The following KLHL10 variants were observed in gnomAD, a reference collection of about 807,000 sequenced individuals.
KLHL10 encodes the protein kelch like family member 10, also known as kelch-like protein 10.
A neutral mutation model predicts 46.6 loss-of-function variants in KLHL10; 11 were observed. The observed-to-expected ratio is 0.24, with a 90% CI of 0.15 to 0.39. The LOEUF (loss-of-function observed/expected upper bound fraction) is 0.39. Among genes scored for constraint, KLHL10 ranks in the 10% least tolerant of loss-of-function variants. The pLI is 1.00. For missense variants in KLHL10, 475 were observed against 789.8 expected, an observed-to-expected ratio of 0.60 and a Z score of 4.78; for synonymous variants, 254 against 279.1, an observed-to-expected ratio of 0.91 and a Z score of 0.90.
At chr17:41,843,079 T>C (rs1189915653) in intron 2 of KLHL10, among the ~76,000 whole-genome samples, 3 of 150,306 alleles carry the variant, frequency 2.0e-5, no homozygotes, top group African/African-American at 7.4e-5. Context: ...TGTGCTGTGA[T>C]CACCTCACTG....
At chr17:41,846,212 AAAAG>A (rs1567870347) in intron 3 of KLHL10, among the ~76,000 whole-genome samples, 1 of 150,962 alleles carries the variant, frequency 6.6e-6, no homozygotes, top group African/African-American at 2.4e-5. Context: ...ACTCCATCTC[AAAAG>A]AAAAAAGAAA....
At chr17:41,841,232 G>T (rs1245099832) in intron 1 of KLHL10, among the ~76,000 whole-genome samples, 1 of 152,148 alleles carries the variant, frequency 6.6e-6, no homozygotes, top group African/African-American at 2.4e-5. Flanking sequence ...GGGGAAACAG[G>T]CATTAAATGA....
At position 41,838,050 on chromosome 17, in the gene KLHL10, G is replaced by A. The variant is rs150254995; in HGVS notation, c.118G>A (p.Asp40Asn). Residue 40 changes from aspartate to asparagine, a missense_variant, in exon 1 of 5, where the codon GAC (aspartate) becomes AAC (asparagine). Physicochemically the swap from Asp to Asn is conservative, Grantham distance 23 (BLOSUM62 1). Coordinates refer to ENST00000293303, the MANE Select transcript of KLHL10 (RefSeq NM_152467.5). ...GCTTAGACTAGAGGGCAAGCTCTGC[G>A]ACGTGGTCATCAAGGTCAATGGCTT... ...NELRLEGKLC[D>N]VVIKVNGFEF... 2.5e-6 allele frequency: 4 copies of A among 1,614,072 alleles called. No individual in the cohort carries two copies. The highest frequency in any genetic ancestry group is 3.4e-6 in the Non-Finnish European group (4 of 1,180,028).
Position 41,848,378 on chromosome 17 carries a change from T to C in KLHL10, c.*71T>C. ...TCTTTTTTTAAAAAAATGCAGTGTT[T>C]AAACTTTGAAGAGTACTGGAAAATG... On this transcript the variant is annotated 3_prime_UTR_variant, in exon 5 of 5. Coordinates refer to ENST00000293303, the MANE Select transcript of KLHL10 (RefSeq NM_152467.5). 6.6e-7 allele frequency: 1 copy of C among 1,522,082 alleles called. No homozygotes were observed. The highest frequency in any genetic ancestry group is 8.9e-7 in the Non-Finnish European group (1 of 1,121,682). The allele number at this position is 1,522,082 out of a possible 1,614,324, so 94.3% of individuals were successfully genotyped here.
At chr17:41,845,998 T>C (rs1249013282) in intron 3 of KLHL10, among the ~76,000 whole-genome samples, 1 of 151,736 alleles carries the variant, frequency 6.6e-6, no homozygotes, top group Admixed American at 6.6e-5. Context: ...GATCACTAGG[T>C]CAGGAGTTCA....
chr17:41,843,297 A>C (rs1167731907), intron 2 of KLHL10, among the ~76,000 whole-genome samples: 2 of 151,932 alleles, frequency 1.3e-5, no homozygotes, highest in Non-Finnish European at 2.9e-5. Context: ...ACCTGAGGTC[A>C]GGAGTTCGAG....
At chr17:41,847,434 C>A in intron 4 of KLHL10, 24 bp downstream of exon 4, 1 of 1,612,900 alleles carries the variant, frequency 6.2e-7, no homozygotes, top group Non-Finnish European at 8.5e-7. Flanking sequence ...GTACCACACA[C>A]ACACAAAAAA....
intron 1 of KLHL10, 133 bp downstream of exon 1, chr17:41,838,259 TA>T (rs1299228311): frequency 9.5e-5 from 76 of 802,242 alleles, no homozygotes; most frequent in African/African-American, 1.9e-4. Flanking sequence ...CCTTAAAAAT[TA>T]AAAAAAAATT....
chr17:41,844,318 C>G (rs2048259063), intron 2 of KLHL10, among the ~76,000 whole-genome samples: 1 of 151,576 alleles, frequency 6.6e-6, no homozygotes, highest in Non-Finnish European at 1.5e-5. Context: ...GCAACCTCCA[C>G]CTCCCCAGTT....
At position 41,845,385 on chromosome 17, in the gene KLHL10, CAG is replaced by C; in HGVS notation, c.946_947del (p.Asp316GlnfsTer8). ...GCCATTGAGGCATATGACGCTCGGG[CAG>C]ACAGATGGGTGAATGTTACTTGTGA... is the stretch of plus-strand genomic sequence containing the variant. On this transcript the variant is annotated frameshift_variant, in exon 3 of 5. Coordinates refer to ENST00000293303, the MANE Select transcript of KLHL10 (RefSeq NM_152467.5). LOFTEE classifies it high-confidence loss of function. 6.2e-7 allele frequency: 1 copy of C among 1,614,196 alleles called. No homozygotes were observed. The highest frequency in any genetic ancestry group is 1.6e-4 in the Middle Eastern group (1 of 6,062).
At chr17:41,840,818 A>T (rs1383545387) in intron 1 of KLHL10, among the ~76,000 whole-genome samples, 8 of 151,416 alleles carry the variant, frequency 5.3e-5, no homozygotes, top group South Asian at 4.2e-4. Flanking sequence ...TAAACTTCTT[A>T]AAAAAAGGAA....
At chr17:41,847,161 T>C (rs1414656953) in intron 3 of KLHL10, 100 bp from the exon 4 acceptor site, 3 of 1,018,024 alleles carry the variant, frequency 2.9e-6, no homozygotes, top group Admixed American at 1.7e-5. Context: ...AAATTCAGAC[T>C]GTACAGACTG....
chr17:41,840,927 C>T (rs1007777744), intron 1 of KLHL10, among the ~76,000 whole-genome samples: 7 of 151,994 alleles, frequency 4.6e-5, no homozygotes, highest in Admixed American at 2.6e-4. Context: ...ACAAGCCTGA[C>T]CAATATGATG....
rs1555621669 is a variant in KLHL10, at chr17:41,848,076, G to C, written c.1596G>C (p.Val532=). The stretch of plus-strand genomic sequence containing the variant: ...TGGTGGATGACCTCTTGTTTGTGGT[G>C]GGTGGCTTTAATGGTTTTACCACCA... ...IEVVDDLLFV[V]GGFNGFTTTF... Residue 532 remains valine, a synonymous_variant, in exon 5 of 5, where the codon GTG becomes GTC. Transcript: ENST00000293303. The C allele has an allele frequency of 6.2e-7, 1 of 1,614,160 alleles. No homozygotes were observed. Among genetic ancestry groups the C allele is most frequent in the Admixed American group, 1.7e-5 (1 of 60,010 alleles).
upstream of KLHL10, chr17:41,836,393 G>A: frequency 1.6e-6 from 2 of 1,224,526 alleles, no homozygotes; most frequent in Non-Finnish European, 1.0e-6. Context: ...AACTGGAGGA[G>A]GGTTCTATTT....
At chr17:41,836,605 T>A (rs2048163857), upstream of KLHL10, among the ~76,000 whole-genome samples, 1 of 152,058 alleles carries the variant, frequency 6.6e-6, no homozygotes, top group Non-Finnish European at 1.5e-5. Context: ...GGATGATCGC[T>A]TGAGCCGAAG....
chr17:41,837,774 G>A, upstream of KLHL10: 1 of 1,458,812 alleles, frequency 6.9e-7, no homozygotes, highest in Non-Finnish European at 9.0e-7. Context: ...AATCCTGTGT[G>A]ATCTCACTGC....
chr17:41,835,764 G>A, upstream of KLHL10: 1 of 1,236,126 alleles, frequency 8.1e-7, no homozygotes, highest in Non-Finnish European at 1.2e-6. Flanking sequence ...AGAGCTAGGA[G>A]GGGTCCGCGG....
chr17:41,835,930 G>C (rs1555619894), upstream of KLHL10: 1 of 1,601,378 alleles, frequency 6.2e-7, no homozygotes. Flanking sequence ...TGCCGCATCA[G>C]GACCGTGGCC....
Sources: gnomAD v4.1 joint callset for allele counts (sites outside exome capture counted in the v4.1 genomes callset) on GRCh38, gnomAD v4.1.1 for gene constraint, MANE v1.5 for transcripts, NCBI Gene and HGNC (gene_info 2026-07-23, HGNC 2026-07-21) for gene names.